HENMT1: variants seen among roughly 807,000 people sequenced by gnomAD.
HENMT1 encodes HEN methyltransferase 1.
A neutral mutation model predicts 31.1 loss-of-function variants in HENMT1; 27 were observed. That is an observed-to-expected ratio of 0.87 (90% CI 0.64 to 1.20). The LOEUF (loss-of-function observed/expected upper bound fraction) is 1.20, where lower values mean the gene tolerates loss of function less well. Ranked by LOEUF, HENMT1 falls within the 50% of genes most tolerant of loss-of-function variation. The pLI is 0.00. For synonymous variants in HENMT1, 167 were observed against 172.2 expected (o/e 0.97, Z 0.24); for missense variants, 438 against 469.6 (o/e 0.93, Z 0.62).
chr1:108,655,017 C>T (rs1232589836), intron 4 of HENMT1, among the ~76,000 whole-genome samples, 167 bp from the exon 5 acceptor site: 1 of 152,164 alleles, frequency 6.6e-6, no homozygotes, highest in Non-Finnish European at 1.5e-5. Flanking sequence ...CATGGGGAAA[C>T]TTCCTCTCAC....
chr1:108,649,296 G>T (rs187434913), intron 7 of HENMT1: 1 of 505,076 alleles, frequency 2.0e-6, no homozygotes, highest in East Asian at 5.5e-5. Flanking sequence ...AATGAAAAAT[G>T]GTTCAGTTAA....
chr1:108,648,912 A>G lies in HENMT1; in HGVS notation c.836T>C (p.Val279Ala). 1 of 1,614,020 alleles carries G rather than the reference A, an allele frequency of 6.2e-7. No individual in the cohort carries two copies. The highest frequency in any genetic ancestry group is 2.2e-5 in the East Asian group (1 of 44,876). The change falls in exon 8 of 8, where the codon GTG becomes GCG. Residue 279 changes from valine (V) to alanine (A), a missense_variant. Coordinates refer to ENST00000651461, the MANE Select transcript of HENMT1 (RefSeq NM_001102592.2). ...CAGGTGGCTCACTCTTAAGCTTTCC[A>G]CTTGTTGGGACACCTCATTAACCAA... ...LVLVNEVSQQVESLRVSHLPR... is the reference protein window; with the variant it reads ...LVLVNEVSQQAESLRVSHLPR...
intron 7 of HENMT1, 140 bp downstream of exon 7, chr1:108,650,071 G>A: frequency 1.3e-6 from 1 of 778,556 alleles, no homozygotes; most frequent in South Asian, 1.4e-5. Flanking sequence ...TAGTCATGGG[G>A]CCTGAAGAAT....
At chr1:108,649,969 A>T in intron 7 of HENMT1, 1 of 594,586 alleles carries the variant, frequency 1.7e-6, no homozygotes, top group Non-Finnish European at 3.1e-6. Context: ...GAAGTATTCT[A>T]AGACAACCCC....
intron 1 of HENMT1, 55 bp from the exon 2 acceptor site, chr1:108,660,017 C>G (rs973667574): frequency 1.2e-5 from 11 of 925,236 alleles, no homozygotes; most frequent in Non-Finnish European, 1.7e-5. Context: ...AAATAGCTGC[C>G]TAGTTCAGAA....
At position 108,648,858 on chromosome 1, in the gene HENMT1, C is replaced by T. The variant is rs770299698; in HGVS notation, c.890G>A (p.Arg297Gln). The T allele has an allele frequency of 6.2e-6, 10 of 1,614,054 alleles. No homozygotes were observed. Among genetic ancestry groups the T allele is most frequent in the East Asian group, 4.5e-5 (2 of 44,900 alleles). Residue 297 changes from arginine to glutamine, a missense_variant, in exon 8 of 8, where the codon CGG becomes CAG. Coordinates refer to ENST00000651461, the MANE Select transcript of HENMT1 (RefSeq NM_001102592.2). The stretch of plus-strand genomic sequence containing the variant: ...ACCAATGTCTTTGGGCTTATCACCC[C>T]GTTCCCCAGCCTGTTCTTTCCGCCT... Reference protein sequence around the residue: ...LPRRKEQAGERGDKPKDIGGS... With the variant: ...LPRRKEQAGEQGDKPKDIGGS...
At chr1:108,652,187 A>C (rs1006537388) in intron 5 of HENMT1, among the ~76,000 whole-genome samples, 1 of 152,224 alleles carries the variant, frequency 6.6e-6, no homozygotes, top group Non-Finnish European at 1.5e-5. Flanking sequence ...TAGCTATAGA[A>C]AGACATTACT....
At position 108,648,704 on chromosome 1, in the gene HENMT1, C is replaced by T. The variant is rs199903918; in HGVS notation, c.1044G>A (p.Ala348=). Residue 348 remains alanine, a synonymous_variant, in exon 8 of 8, where the codon GCG becomes GCA. Transcript: ENST00000651461. ...CACATAAGCGGTTCAACTTGGGATACGCAAGGAGTCTCTGCAGAGGTACGA... is the reference window on the plus strand; with the variant it reads ...CACATAAGCGGTTCAACTTGGGATATGCAAGGAGTCTCTGCAGAGGTACGA... ...KFFVPLQRLL[A]YPKLNRLCAN... The T allele has an allele frequency of 2.1e-5, 34 of 1,614,058 alleles. No homozygotes were observed. The highest frequency in any genetic ancestry group is 4.4e-5 in the South Asian group (4 of 91,088).
intron 3 of HENMT1, 81 bp from the exon 4 acceptor site, chr1:108,655,779 G>C: frequency 1.3e-6 from 1 of 755,978 alleles, no homozygotes; most frequent in South Asian, 1.7e-5. Flanking sequence ...GAGGAGGAGA[G>C]AGTGGAGTAT....
At chr1:108,649,505 A>G in intron 7 of HENMT1, 1 of 389,782 alleles carries the variant, frequency 2.6e-6, no homozygotes, top group Non-Finnish European at 5.1e-6. Flanking sequence ...CGTCCTAGCT[A>G]CTTAGGAGGC....
chr1:108,649,075 C>A (rs1657967937), intron 7 of HENMT1, 84 bp from the exon 8 acceptor site: 3 of 1,118,892 alleles, frequency 2.7e-6, no homozygotes, highest in Non-Finnish European at 3.7e-6. Context: ...ACTTTTTTGC[C>A]ATGTAAGAAT....
At chr1:108,650,442 A>C in intron 6 of HENMT1, 54 bp from the exon 7 acceptor site, 1 of 1,478,724 alleles carries the variant, frequency 6.8e-7, no homozygotes, top group Non-Finnish European at 9.3e-7. Flanking sequence ...GCTACTGTTA[A>C]ATAAGGAACC....
intron 2 of HENMT1, among the ~76,000 whole-genome samples, chr1:108,659,246 T>C (rs1185441065): frequency 6.6e-6 from 1 of 152,038 alleles, no homozygotes; most frequent in Non-Finnish European, 1.5e-5. Flanking sequence ...TGTAATCAAA[T>C]ATCCAATTTT....
At position 108,651,034 on chromosome 1, in the gene HENMT1, T is replaced by A; in HGVS notation, c.574A>T (p.Thr192Ser). 6.2e-7 allele frequency: 1 copy of A among 1,611,256 alleles called. No homozygotes were observed. The highest frequency in any genetic ancestry group is 1.1e-5 in the South Asian group (1 of 90,628). The change falls in exon 6 of 8, where the codon ACC becomes TCC. Residue 192 changes from threonine (T) to serine (S), a missense_variant. By Grantham distance (58) the Thr-to-Ser change is moderately conservative. Coordinates refer to ENST00000651461, the MANE Select transcript of HENMT1 (RefSeq NM_001102592.2). ...KFEWTRMEFQ[T>S]WALYVANRYD... The stretch of plus-strand genomic sequence containing the variant: ...CAAAAACCCTTCTGAACTTACCAGG[T>A]CTGAAACTCCATTCTGGTCCACTCA...
intron 5 of HENMT1, among the ~76,000 whole-genome samples, chr1:108,652,002 C>G (rs918754999): frequency 1.3e-5 from 2 of 152,272 alleles, no homozygotes; most frequent in African/African-American, 4.8e-5. Context: ...AATGAGGAGA[C>G]ACTCAGATAC....
At chr1:108,649,602 C>T (rs1205960882) in intron 7 of HENMT1, among the ~76,000 whole-genome samples, 2 of 152,120 alleles carry the variant, frequency 1.3e-5, no homozygotes, top group Non-Finnish European at 2.9e-5. Context: ...GGTGACAGAA[C>T]AAGACCCTGT....
intron 3 of HENMT1, among the ~76,000 whole-genome samples, chr1:108,655,946 T>C (rs529638703): frequency 6.6e-6 from 1 of 151,208 alleles, no homozygotes; most frequent in East Asian, 1.9e-4. Context: ...CACACTAAAA[T>C]AGAAAGGTCC....
chr1:108,650,535 T>C, intron 6 of HENMT1, 147 bp from the exon 7 acceptor site: 1 of 713,140 alleles, frequency 1.4e-6, no homozygotes, highest in Non-Finnish European at 2.3e-6. Flanking sequence ...ACCACCAGTG[T>C]ATTTATTTCT....
chr1:108,652,483 C>A (rs1174743676), intron 5 of HENMT1, among the ~76,000 whole-genome samples: 3 of 152,158 alleles, frequency 2.0e-5, no homozygotes, highest in Non-Finnish European at 4.4e-5. Context: ...ATTCCTTGGA[C>A]CATTCCTGCA....
Sources: allele counts gnomAD v4.1 joint callset (sites outside exome capture counted in the v4.1 genomes callset), GRCh38; gene constraint gnomAD v4.1.1; transcripts MANE v1.5; gene names NCBI Gene and HGNC (gene_info 2026-07-23, HGNC 2026-07-21).